Variants in NUPR1 observed in about 807,000 individuals in gnomAD.
The protein encoded by NUPR1 is nuclear protein 1.
In NUPR1, 8 loss-of-function variants were observed where a neutral mutation model predicts 7.3. That is an observed-to-expected ratio of 1.09 (90% CI 0.64 to 1.97). NUPR1 has a LOEUF of 1.97. NUPR1 is among the 30% of genes most tolerant of loss of function. The pLI, the probability that NUPR1 is intolerant of heterozygous loss-of-function variation, is 0.00. For synonymous variants in NUPR1, 39 were observed against 44.5 expected (o/e 0.88, Z 0.49); for missense variants, 96 against 111.7 (o/e 0.86, Z 0.63).
rs1567277428 is a variant in NUPR1 at position 28,535,562 on chromosome 16, TCC to T, written c.*2119_*2120del. On this transcript the variant is annotated 3_prime_UTR_variant, in exon 3 of 3. Transcript: ENST00000324873. ...TTCTTTCCTTCTTTCTTTCTTTCTT[TCC>T]TTCCTTCCTTTCTTTCTTTCTTTCT... is the stretch of plus-strand genomic sequence containing the variant. The T allele has an allele frequency of 9.5e-5, 4 of 41,958 alleles. No homozygotes were observed. The highest frequency in any genetic ancestry group is 7.6e-5 in the Non-Finnish European group (1 of 13,224). The allele number at this position is 41,958 out of a possible 1,614,324, so 2.6% of individuals were successfully genotyped here.
Position 28,533,892 on chromosome 16 carries a change from G to C in NUPR1, c.*3791C>G, listed in dbSNP as rs998431074. 1.3e-5 allele frequency: 2 copies of C among 152,252 alleles called. No individual in the cohort carries two copies. Among genetic ancestry groups the C allele is most frequent in the Non-Finnish European group, 2.9e-5 (2 of 68,128 alleles). 9.4% of individuals were successfully genotyped at this position (152,252 alleles called of 1,614,324 possible). A position where few individuals can be genotyped will look rare whatever the true frequency, so the allele number is the denominator to read the frequency against. On this transcript the variant is annotated 3_prime_UTR_variant, in exon 3 of 3. Transcript: ENST00000324873. Reference sequence around the variant, plus strand: ...TCAAGCCTGTAATCCCAACACTTTGGGAGGCCAAGGCAGGCAGATCACCTG... The same window carrying C: ...TCAAGCCTGTAATCCCAACACTTTGCGAGGCCAAGGCAGGCAGATCACCTG...
At position 28,535,540 on chromosome 16, in the gene NUPR1, T is replaced by TTTCTTTCTTTCTTTCTTTCTTTCTTTCC. The variant is rs1487422180; in HGVS notation, c.*2142_*2143insGGAAAGAAAGAAAGAAAGAAAGAAAGAA. On this transcript the variant is annotated 3_prime_UTR_variant, in exon 3 of 3. Coordinates refer to ENST00000324873, the MANE Select transcript of NUPR1 (RefSeq NM_012385.3). The stretch of plus-strand genomic sequence containing the variant: ...CTTTCTTTCTTTCTTTCTTTCTTTC[T>TTTCTTTCTTTCTTTCTTTCTTTCTTTCC]TTCCTTCTTTCTTTCTTTCTTTCCT... 3 of 65,088 alleles carry TTTCTTTCTTTCTTTCTTTCTTTCTTTCC rather than the reference T, an allele frequency of 4.6e-5. No homozygotes were observed. The highest frequency in any genetic ancestry group is 6.9e-5 in the Non-Finnish European group (2 of 29,142). The allele number at this position is 65,088 out of a possible 1,614,324, so 4.0% of individuals were successfully genotyped here.
rs2046637486 is a variant in NUPR1, at chr16:28,538,091, AGGGCTG to A, written c.171_176del (p.Ser58_Pro59del). ...TCACCAGTTTCCTCTCGTGCCCGCC[AGGGCTG>A]GGGCGGTTGGTGTTGGCAGCAGCTT... On this transcript the variant is annotated inframe_deletion, in exon 2 of 3. Transcript: ENST00000324873. 1 of 1,613,996 alleles carries A rather than the reference AGGGCTG, an allele frequency of 6.2e-7. No individual in the cohort carries two copies. Among genetic ancestry groups the A allele is most frequent in the African/African-American group, 1.3e-5 (1 of 74,914 alleles).
chr16:28,538,024 G>C lies in NUPR1; in HGVS notation c.244C>G (p.Arg82Gly). ...NSERKKRGAR[R>G] ...TCCTTACCTCCAGCTCTGTCTCAGCGCCGTGCCCCTCGCTTCTTCCTCTCT... is the reference window on the plus strand; with the variant it reads ...TCCTTACCTCCAGCTCTGTCTCAGCCCCGTGCCCCTCGCTTCTTCCTCTCT... The change falls in exon 2 of 3, where the codon CGC becomes GGC. Residue 82 changes from arginine to glycine, a missense_variant. Arg to Gly is a moderately radical substitution (Grantham distance 125). Transcript: ENST00000324873. 6.2e-7 allele frequency: 1 copy of C among 1,613,052 alleles called. No homozygotes were observed. Among genetic ancestry groups the C allele is most frequent in the South Asian group, 1.1e-5 (1 of 91,030 alleles).
rs898857094 is a variant in NUPR1, at chr16:28,535,959, C to G, written c.*1724G>C. ...CTCCTGGCCTCAAGCGATCCTCCCT[C>G]CTTGGCCTCCCAAAGGCTGGAAGGC... On this transcript the variant is annotated 3_prime_UTR_variant, in exon 3 of 3. Transcript: ENST00000324873. The G allele has an allele frequency of 1.3e-5, 2 of 152,222 alleles. No homozygotes were observed. The highest frequency in any genetic ancestry group is 4.8e-5 in the African/African-American group (2 of 41,456). 9.4% of individuals were successfully genotyped at this position (152,222 alleles called of 1,614,324 possible). A position where few individuals can be genotyped will look rare whatever the true frequency, so the allele number is the denominator to read the frequency against.
rs2046605805 is a variant in NUPR1, at chr16:28,535,520, T to TTTCTTTCTTTCTTTCTTTCC, written c.*2162_*2163insGGAAAGAAAGAAAGAAAGAA. ...GCTCGCTCTTTTCTTTCTTTCTTTC[T>TTTCTTTCTTTCTTTCTTTCC]TTCTTTCTTTCTTTCTTTCTTTCCT... On this transcript the variant is annotated 3_prime_UTR_variant, in exon 3 of 3. Transcript: ENST00000324873. 1.5e-5 allele frequency: 1 copy of TTTCTTTCTTTCTTTCTTTCC among 68,182 alleles called. No individual in the cohort carries two copies. The highest frequency in any genetic ancestry group is 4.9e-5 in the African/African-American group (1 of 20,232). 4.2% of individuals were successfully genotyped at this position (68,182 alleles called of 1,614,324 possible).
In NUPR1 at chr16:28,537,553, G is replaced by A. The variant is rs749097902; in HGVS notation, c.*130C>T. Reference sequence around the variant, plus strand: ...GTAGCCCCTCAGAGACTCAGTCAGCGGGAATAAGTCCTAGGGGTGGGGGGT... The same window carrying A: ...GTAGCCCCTCAGAGACTCAGTCAGCAGGAATAAGTCCTAGGGGTGGGGGGT... On this transcript the variant is annotated 3_prime_UTR_variant, in exon 3 of 3. Transcript: ENST00000324873. 7.2e-5 allele frequency: 11 copies of A among 153,144 alleles called. No homozygotes were observed. Among genetic ancestry groups the A allele is most frequent in the Non-Finnish European group, 1.5e-4 (10 of 68,666 alleles). The allele number at this position is 153,144 out of a possible 1,614,324, so 9.5% of individuals were successfully genotyped here.
In NUPR1 at chr16:28,535,572, C is replaced by CTTCCTTCCTTCCTTCCTTCCTTCTTTCT. The variant is rs1491235596; in HGVS notation, c.*2110_*2111insAGAAAGAAGGAAGGAAGGAAGGAAGGAA. On this transcript the variant is annotated 3_prime_UTR_variant, in exon 3 of 3. Transcript: ENST00000324873. ...CTTTCTTTCTTTCTTTCCTTCCTTC[C>CTTCCTTCCTTCCTTCCTTCCTTCTTTCT]TTTCTTTCTTTCTTTCTTTCTTTCT... The CTTCCTTCCTTCCTTCCTTCCTTCTTTCT allele has an allele frequency of 1.1e-4, 1 of 8,852 alleles. No homozygotes were observed. Among genetic ancestry groups the CTTCCTTCCTTCCTTCCTTCCTTCTTTCT allele is most frequent in the African/African-American group, 1.5e-4 (1 of 6,492 alleles). The allele number at this position is 8,852 out of a possible 1,614,324, so 0.5% of individuals were successfully genotyped here.
rs2046627539 is a variant in NUPR1 at position 28,536,900 on chromosome 16, G to A, written c.*783C>T. The A allele has an allele frequency of 6.6e-6, 1 of 151,942 alleles. No individual in the cohort carries two copies. The highest frequency in any genetic ancestry group is 1.5e-5 in the Non-Finnish European group (1 of 68,008). 9.4% of individuals were successfully genotyped at this position (151,942 alleles called of 1,614,324 possible). On this transcript the variant is annotated 3_prime_UTR_variant, in exon 3 of 3. Transcript: ENST00000324873. ...GCTGGTCTTGAACTCCTGACTTTGT[G>A]ATCCACCCACCTCGGCCTCCCAAAG...
chr16:28,538,700 G>T, intron 1 of NUPR1, 96 bp downstream of exon 1: 1 of 992,082 alleles, frequency 1.0e-6, no homozygotes, highest in Non-Finnish European at 1.6e-6. Context: ...AGAAAGAAAC[G>T]AAGAGGAAAG....
At position 28,535,599 on chromosome 16, in the gene NUPR1, T is replaced by TC. The variant is rs1491368867; in HGVS notation, c.*2083dup. On this transcript the variant is annotated 3_prime_UTR_variant, in exon 3 of 3. Transcript: ENST00000324873. ...TTCTTTCTTTCTTTCTTTCTTTCTT[T>TC]CTTTCTTTCTTTCTTTCTTTCTTCT... 8.5e-5 allele frequency: 4 copies of TC among 47,284 alleles called. No homozygotes were observed. Among genetic ancestry groups the TC allele is most frequent in the African/African-American group, 5.6e-4 (4 of 7,154 alleles). The allele number at this position is 47,284 out of a possible 1,614,324, so 2.9% of individuals were successfully genotyped here.
chr16:28,535,579 T>TCTTTTCTTTCTTC lies in NUPR1; in HGVS notation c.*2103_*2104insGAAGAAAGAAAAG, dbSNP rs1567277511. The TCTTTTCTTTCTTC allele has an allele frequency of 1.4e-3, 54 of 39,202 alleles. No homozygotes were observed. Among genetic ancestry groups the TCTTTTCTTTCTTC allele is most frequent in the African/African-American group, 7.2e-3 (54 of 7,506 alleles). The allele number at this position is 39,202 out of a possible 1,614,324, so 2.4% of individuals were successfully genotyped here. ...TCTTTCTTTCCTTCCTTCCTTTCTTTCTTTCTTTCTTTCTTTCTTTCTTTC... is the reference window on the plus strand; with the variant it reads ...TCTTTCTTTCCTTCCTTCCTTTCTTTCTTTTCTTTCTTCCTTTCTTTCTTTCTTTCTTTCTTTC... On this transcript the variant is annotated 3_prime_UTR_variant, in exon 3 of 3. Coordinates refer to ENST00000324873, the MANE Select transcript of NUPR1 (RefSeq NM_012385.3).
rs1224756493 is a variant in NUPR1, at chr16:28,533,862, G to A, written c.*3821C>T. The A allele has an allele frequency of 6.6e-6, 1 of 152,312 alleles. No individual in the cohort carries two copies. The highest frequency in any genetic ancestry group is 1.5e-5 in the Non-Finnish European group (1 of 68,146). The allele number at this position is 152,312 out of a possible 1,614,324, so 9.4% of individuals were successfully genotyped here. On this transcript the variant is annotated 3_prime_UTR_variant, in exon 3 of 3. Coordinates refer to ENST00000324873, the MANE Select transcript of NUPR1 (RefSeq NM_012385.3). ...AATTAGGCAACCTTTGCCGGGTGGTGTGGCTCAAGCCTGTAATCCCAACAC... is the reference window on the plus strand; with the variant it reads ...AATTAGGCAACCTTTGCCGGGTGGTATGGCTCAAGCCTGTAATCCCAACAC...
Position 28,535,673 on chromosome 16 carries a change from T to C in NUPR1, c.*2010A>G, listed in dbSNP as rs758764386. On this transcript the variant is annotated 3_prime_UTR_variant, in exon 3 of 3. Coordinates refer to ENST00000324873, the MANE Select transcript of NUPR1 (RefSeq NM_012385.3). The stretch of plus-strand genomic sequence containing the variant: ...CTCTCCTTTCTCTCTTTCTTTTCTT[T>C]CTTCCTTCCTTTCTTTTCCTTCCTT... The C allele has an allele frequency of 3.3e-5, 5 of 150,032 alleles. No individual in the cohort carries two copies. Among genetic ancestry groups the C allele is most frequent in the Non-Finnish European group, 7.4e-5 (5 of 67,724 alleles). The allele number at this position is 150,032 out of a possible 1,614,324, so 9.3% of individuals were successfully genotyped here. A position where few individuals can be genotyped will look rare whatever the true frequency, so the allele number is the denominator to read the frequency against.
At chr16:28,537,947 G>A (rs558561507) in intron 2 of NUPR1, 59 bp downstream of exon 2, 25 of 1,426,916 alleles carry the variant, frequency 1.8e-5, no homozygotes, top group East Asian at 4.6e-5. Context: ...CACACCTTCC[G>A]GCCTGTCCTT....
rs1237543681 is a variant in NUPR1, at chr16:28,535,564, C to CTTTCT, written c.*2118_*2119insAGAAA. ...CTTTCCTTCTTTCTTTCTTTCTTTCCTTCCTTCCTTTCTTTCTTTCTTTCT... is the reference window on the plus strand; with the variant it reads ...CTTTCCTTCTTTCTTTCTTTCTTTCCTTTCTTTCCTTCCTTTCTTTCTTTCTTTCT... On this transcript the variant is annotated 3_prime_UTR_variant, in exon 3 of 3. Coordinates refer to ENST00000324873, the MANE Select transcript of NUPR1 (RefSeq NM_012385.3). 4.5e-4 allele frequency: 26 copies of CTTTCT among 57,772 alleles called. 3 individuals are homozygous for CTTTCT. The highest frequency in any genetic ancestry group is 1.9e-3 in the Admixed American group (9 of 4,692). The allele number at this position is 57,772 out of a possible 1,614,324, so 3.6% of individuals were successfully genotyped here.
At position 28,537,993 on chromosome 16, in the gene NUPR1, C is replaced by G; in HGVS notation, c.*13+13G>C. On this transcript the variant is annotated intron_variant, in intron 2 of 2. Coordinates refer to ENST00000324873, the MANE Select transcript of NUPR1 (RefSeq NM_012385.3). ...GCACCACCTTGAGCTCTCTGGGCCC[C>G]CCGACTCCTTACCTCCAGCTCTGTC... The G allele has an allele frequency of 6.2e-7, 1 of 1,600,216 alleles. No individual in the cohort carries two copies. Among genetic ancestry groups the G allele is most frequent in the South Asian group, 1.1e-5 (1 of 89,710 alleles).
rs2046591960 is a variant in NUPR1 at position 28,533,142 on chromosome 16, C to T, written c.*4541G>A. The T allele has an allele frequency of 6.6e-6, 1 of 152,378 alleles. No homozygotes were observed. The highest frequency in any genetic ancestry group is 1.5e-5 in the Non-Finnish European group (1 of 68,108). 9.4% of individuals were successfully genotyped at this position (152,378 alleles called of 1,614,324 possible). A position where few individuals can be genotyped will look rare whatever the true frequency, so the allele number is the denominator to read the frequency against. On this transcript the variant is annotated 3_prime_UTR_variant, in exon 3 of 3. Transcript: ENST00000324873. ...TCCTGGTTCCAGTCATATCAGGATTCTATTTGTCCCTCTCAGCAGCACAGG... is the reference window on the plus strand; with the variant it reads ...TCCTGGTTCCAGTCATATCAGGATTTTATTTGTCCCTCTCAGCAGCACAGG...
chr16:28,537,122 A>G lies in NUPR1; in HGVS notation c.*561T>C, dbSNP rs2046629212. 1 of 152,206 alleles carries G rather than the reference A, an allele frequency of 6.6e-6. No homozygotes were observed. Among genetic ancestry groups the G allele is most frequent in the Non-Finnish European group, 1.5e-5 (1 of 68,078 alleles). 9.4% of individuals were successfully genotyped at this position (152,206 alleles called of 1,614,324 possible). A position where few individuals can be genotyped will look rare whatever the true frequency, so the allele number is the denominator to read the frequency against. Reference sequence around the variant, plus strand: ...AAAAAAGCAGAAGAAATTCCTTTCCACTACGTAGGAGCCCACAGAAATGTA... The same window carrying G: ...AAAAAAGCAGAAGAAATTCCTTTCCGCTACGTAGGAGCCCACAGAAATGTA... On this transcript the variant is annotated 3_prime_UTR_variant, in exon 3 of 3. Transcript: ENST00000324873.
Sources: allele counts gnomAD v4.1 joint callset, GRCh38; gene constraint gnomAD v4.1.1; transcripts MANE v1.5; gene names NCBI Gene and HGNC (gene_info 2026-07-23, HGNC 2026-07-21).